MTCL3: variants seen among roughly 807,000 people sequenced by gnomAD.
The protein encoded by MTCL3 is MTCL family member 3, also known as microtubule cross-linking factor 3.
At chr6:127,515,829 G>A in the MTCL3 span, 1 of 1,610,394 alleles carries the variant, frequency 6.2e-7, no homozygotes, top group East Asian at 2.2e-5. This position sits in a 1 kb window ranked among gnomAD's most constrained non-coding sequence, Gnocchi z 4.3. Context: ...TCTTGAGATG[G>A]AACTGGATGA....
At chr6:127,516,449 C>T in the MTCL3 span, 1 of 1,599,858 alleles carries the variant, frequency 6.3e-7, no homozygotes, top group South Asian at 1.1e-5. Context: ...GACCGGGTGG[C>T]CGCGATTGTC....
At chr6:127,497,952 G>T in the MTCL3 span, among the ~76,000 whole-genome samples, 1 of 152,144 alleles carries the variant, frequency 6.6e-6, no homozygotes, top group South Asian at 2.1e-4. Context: ...ACTCAAATTG[G>T]ATTGTAGATC....
chr6:127,491,154 T>C, the MTCL3 span, among the ~76,000 whole-genome samples: 1 of 152,264 alleles, frequency 6.6e-6, no homozygotes, highest in Admixed American at 6.5e-5. Context: ...ACAAAAAGTT[T>C]AGAATATTCC....
the MTCL3 span, among the ~76,000 whole-genome samples, chr6:127,482,101 C>G: frequency 6.6e-6 from 1 of 152,172 alleles, no homozygotes; most frequent in African/African-American, 2.4e-5. The surrounding 1 kb of genome is among the most constrained non-coding windows in gnomAD (Gnocchi z 4.1). Context: ...AAATGGGTAA[C>G]CAGCAGCCCT....
the MTCL3 span, among the ~76,000 whole-genome samples, chr6:127,493,139 T>C: frequency 6.6e-6 from 1 of 152,234 alleles, no homozygotes; most frequent in African/African-American, 2.4e-5. Context: ...TTGTTTATCA[T>C]TCTGTTTCTA....
the MTCL3 span, among the ~76,000 whole-genome samples, chr6:127,507,901 C>A: frequency 1.4e-5 from 2 of 147,552 alleles, no homozygotes; most frequent in Admixed American, 6.7e-5. Flanking sequence ...CACATGGCAA[C>A]TTCCTGGAAG....
the MTCL3 span, among the ~76,000 whole-genome samples, chr6:127,517,173 G>C: frequency 6.6e-6 from 1 of 152,138 alleles, no homozygotes; most frequent in Non-Finnish European, 1.5e-5. Context: ...GTATTCCCAA[G>C]TTCAATTAGA....
chr6:127,506,731 C>T, the MTCL3 span, among the ~76,000 whole-genome samples: 635 of 152,158 alleles, frequency 4.2e-3, 6 homozygotes, highest in African/African-American at 0.015. Flanking sequence ...CAGGCGCCCA[C>T]GACCACGCCC....
the MTCL3 span, among the ~76,000 whole-genome samples, chr6:127,517,105 C>A: frequency 3.3e-5 from 5 of 152,162 alleles, no homozygotes; most frequent in African/African-American, 1.2e-4. Context: ...TTTGGCTTTC[C>A]TTACCATCAA....
At chr6:127,503,766 A>G in the MTCL3 span, among the ~76,000 whole-genome samples, 2 of 151,996 alleles carry the variant, frequency 1.3e-5, no homozygotes, top group African/African-American at 2.4e-5. Context: ...GGAGATCTCT[A>G]TTTCTGGAAG....
the MTCL3 span, chr6:127,475,183 G>A: frequency 8.2e-7 from 1 of 1,222,574 alleles, no homozygotes; most frequent in Non-Finnish European, 1.1e-6. The surrounding 1 kb of genome is among the most constrained non-coding windows in gnomAD (Gnocchi z 7.3). Flanking sequence ...CCTGAGCGGG[G>A]GCTTCCCTCA....
chr6:127,491,387 C>T, the MTCL3 span, among the ~76,000 whole-genome samples: 1 of 152,224 alleles, frequency 6.6e-6, no homozygotes. Context: ...GATCAGTCAG[C>T]AGCCATCAAC....
the MTCL3 span, among the ~76,000 whole-genome samples, chr6:127,493,484 T>C: frequency 6.6e-6 from 1 of 152,200 alleles, no homozygotes; most frequent in African/African-American, 2.4e-5. Context: ...ATTTTTCACT[T>C]TGACTCCCTT....
chr6:127,502,416 A>T, the MTCL3 span, among the ~76,000 whole-genome samples: 2 of 152,228 alleles, frequency 1.3e-5, no homozygotes, highest in African/African-American at 4.8e-5. Context: ...CTCCCTGTCC[A>T]TCAAAACATT....
the MTCL3 span, among the ~76,000 whole-genome samples, chr6:127,506,418 G>A: frequency 1.3e-5 from 2 of 152,054 alleles, no homozygotes; most frequent in African/African-American, 2.4e-5. Context: ...TCAATATTTG[G>A]TCCCCAGCCT....
At chr6:127,484,305 A>C in the MTCL3 span, among the ~76,000 whole-genome samples, 1 of 152,198 alleles carries the variant, frequency 6.6e-6, no homozygotes, top group African/African-American at 2.4e-5. Flanking sequence ...ATGAAACTGA[A>C]ACTACACAGA....
chr6:127,480,086 A>C, the MTCL3 span, among the ~76,000 whole-genome samples: 1 of 152,206 alleles, frequency 6.6e-6, no homozygotes, highest in African/African-American at 2.4e-5. Flanking sequence ...TGAAGATACA[A>C]ATTACATGTG....
At chr6:127,515,619 C>G in the MTCL3 span, 2 of 1,416,546 alleles carry the variant, frequency 1.4e-6, no homozygotes, top group African/African-American at 3.0e-5. This position sits in a 1 kb window ranked among gnomAD's most constrained non-coding sequence, Gnocchi z 4.3. Flanking sequence ...GCGCTGCCGC[C>G]TGCATGCCCC....
At chr6:127,506,538 G>T in the MTCL3 span, among the ~76,000 whole-genome samples, 1 of 152,042 alleles carries the variant, frequency 6.6e-6, no homozygotes. Context: ...TATTTCAATA[G>T]TTTTATGGCT....
Sources: gnomAD v4.1 joint callset for allele counts (sites outside exome capture counted in the v4.1 genomes callset) on GRCh38, gnomAD v4.1.1 for gene constraint, Gnocchi (gnomAD v3.1) non-coding constraint, MANE v1.5 for transcripts, NCBI Gene and HGNC (gene_info 2026-07-23, HGNC 2026-07-21) for gene names.